Variants in COL23A1 observed in about 807,000 individuals in gnomAD.
COL23A1 encodes collagen type XXIII alpha 1 chain.
COL23A1 carries 97 observed loss-of-function variants against 99.3 expected under a neutral mutation model. The observed-to-expected ratio is 0.98, with a 90% CI of 0.83 to 1.16. The LOEUF (loss-of-function observed/expected upper bound fraction) is 1.16, where lower values mean the gene tolerates loss of function less well. COL23A1 is among the 50% of genes most tolerant of loss of function. The pLI, the probability that COL23A1 is intolerant of heterozygous loss-of-function variation, is 0.00. For missense variants in COL23A1, 762 were observed against 757.4 expected (o/e 1.01, Z -0.07); for synonymous variants, 320 against 308.2 (o/e 1.04, Z -0.40).
At chr5:178,545,481 G>A (rs904293458) in intron 2 of COL23A1, among the ~76,000 whole-genome samples, 1 of 152,210 alleles carries the variant, frequency 6.6e-6, no homozygotes, top group Non-Finnish European at 1.5e-5. Flanking sequence ...AACAGTGGGT[G>A]CCAGGGGCGG....
At chr5:178,329,532 G>A (rs2973686) in intron 2 of COL23A1, among the ~76,000 whole-genome samples, 147,455 of 152,240 alleles carry the variant, frequency 0.97, 71,425 homozygotes, top group East Asian at 1. Flanking sequence ...TAGGGCCAAG[G>A]GAAGTCCAAA....
At chr5:178,495,309 TGGGTTACAGAGGTTAA>T (rs1342409690) in intron 2 of COL23A1, among the ~76,000 whole-genome samples, 1 of 152,148 alleles carries the variant, frequency 6.6e-6, no homozygotes, top group East Asian at 1.9e-4. Context: ...AGGATGAATT[TGGGTTACAGAGGTTAA>T]TATTCTGCTC....
chr5:178,383,383 A>G (rs1763487088), intron 2 of COL23A1, among the ~76,000 whole-genome samples: 1 of 152,208 alleles, frequency 6.6e-6, no homozygotes. Context: ...TCAGGAAACC[A>G]GGACAAGTCC....
intron 18 of COL23A1, among the ~76,000 whole-genome samples, chr5:178,249,716 ACTCTCTCTCTCT>A (rs59946818): frequency 0.025 from 2,290 of 92,814 alleles, 36 homozygotes; most frequent in Non-Finnish European, 0.037. Flanking sequence ...ACACACACAC[ACTCTCTCTCTCT>A]CTCTCTCTCT....
At chr5:178,289,005 C>A (rs1194990469) in intron 4 of COL23A1, among the ~76,000 whole-genome samples, 1 of 151,952 alleles carries the variant, frequency 6.6e-6, no homozygotes, top group Non-Finnish European at 1.5e-5. Flanking sequence ...CTCTATAGCC[C>A]CCGGCGTTAG....
In COL23A1 at chr5:178,384,242, C is replaced by T. The variant is rs1305139313; in HGVS notation, c.362-77323G>A. ...ACGCTGCTGCGAGCTGAGCTGCGAT[C>T]GCAAATGCACGCAGCTCCCCGCCCA... On this transcript the variant is annotated intron_variant, in intron 2 of 28. Coordinates refer to ENST00000390654, the MANE Select transcript of COL23A1 (RefSeq NM_173465.4). The surrounding 1 kb of genome is among the most constrained non-coding windows in gnomAD (Gnocchi z 5.5). Among the ~76,000 whole-genome samples the T allele has an allele frequency of 3.9e-5, 6 of 152,196 alleles. No individual in the cohort carries two copies. Among genetic ancestry groups the T allele is most frequent in the Non-Finnish European group, 7.3e-5 (5 of 68,034 alleles).
intron 2 of COL23A1, among the ~76,000 whole-genome samples, chr5:178,536,193 G>C (rs539225): frequency 6.6e-6 from 1 of 152,176 alleles, no homozygotes; most frequent in Non-Finnish European, 1.5e-5. Flanking sequence ...CGTCACCCTC[G>C]GCTGGGGACG....
chr5:178,307,814 C>G lies in COL23A1; in HGVS notation c.362-895G>C, dbSNP rs1758444723. On this transcript the variant is annotated intron_variant, in intron 2 of 28. Transcript: ENST00000390654. The surrounding 1 kb of genome is among the most constrained non-coding windows in gnomAD (Gnocchi z 4.2). Reference sequence around the variant, plus strand: ...AATGGCATTTGATACGTCTTGCTCACCCACTGTATGCCAGGATCTGGGCTG... The same window carrying G: ...AATGGCATTTGATACGTCTTGCTCAGCCACTGTATGCCAGGATCTGGGCTG... 3.3e-5 allele frequency among the ~76,000 whole-genome samples: 5 copies of G among 152,344 alleles called. 1 individual carries two copies. The South Asian group carries it at 1.0e-3, about 32-fold the overall frequency.
At chr5:178,558,892 A>C (rs565001268) in intron 2 of COL23A1, among the ~76,000 whole-genome samples, 23 of 151,870 alleles carry the variant, frequency 1.5e-4, no homozygotes, top group African/African-American at 5.6e-4. Flanking sequence ...AGGATGAAGC[A>C]ATTCTCCCAC....
At chr5:178,368,909 GGGCT>G (rs1449233199) in intron 2 of COL23A1, among the ~76,000 whole-genome samples, 1 of 152,250 alleles carries the variant, frequency 6.6e-6, no homozygotes, top group East Asian at 1.9e-4. Context: ...TGCACCCCGA[GGGCT>G]GCTCCTCATG....
At position 178,358,363 on chromosome 5, in the gene COL23A1, TGTGTAC is replaced by T. The variant is rs771038927; in HGVS notation, c.362-51450_362-51445del. On this transcript the variant is annotated intron_variant, in intron 2 of 28. Transcript: ENST00000390654. ...AATGTGTGTATTGTGTGTATGTGTATGTGTACGTGTGTATGTCTAATGTGTGTATGT... is the reference window on the plus strand; with the variant it reads ...AATGTGTGTATTGTGTGTATGTGTATGTGTGTATGTCTAATGTGTGTATGT... 1.7e-4 allele frequency among the ~76,000 whole-genome samples: 25 copies of T among 151,442 alleles called. 1 individual carries two copies. The highest frequency in any genetic ancestry group is 1.0e-3 in the South Asian group (5 of 4,774).
intron 1 of COL23A1, among the ~76,000 whole-genome samples, chr5:178,585,727 A>AGCCCTGGATGGCGCTGGGGTAATGCC (rs1562115542): frequency 5.5e-4 from 6 of 10,824 alleles, no homozygotes; most frequent in Admixed American, 2.4e-3. Flanking sequence ...CTGGGGTAAC[A>AGCCCTGGATGGCGCTGGGGTAATGCC]CTCCACAGCC....
At position 178,404,139 on chromosome 5, in the gene COL23A1, C is replaced by T. The variant is rs115842346; in HGVS notation, c.362-97220G>A. Among the ~76,000 whole-genome samples the T allele has an allele frequency of 8.1e-3, 1,232 of 152,320 alleles. 17 individuals carry two copies. The highest frequency in any genetic ancestry group is 0.028 in the African/African-American group (1,162 of 41,574). ...TCAGAACCGGAAGACGGCAGCCATT[C>T]GCGGAGCGCCTACTGTGTGCAGGCA... On this transcript the variant is annotated intron_variant, in intron 2 of 28. Transcript: ENST00000390654.
intron 4 of COL23A1, among the ~76,000 whole-genome samples, chr5:178,289,561 A>G (rs1757337840): frequency 6.6e-6 from 1 of 152,198 alleles, no homozygotes; most frequent in Admixed American, 6.5e-5. Context: ...TGTCTGATCC[A>G]CATTCTGGCA....
intron 25 of COL23A1, among the ~76,000 whole-genome samples, chr5:178,243,366 A>C (rs1764510815): frequency 6.6e-6 from 1 of 151,572 alleles, no homozygotes; most frequent in South Asian, 2.1e-4. Context: ...GTGCACCTGT[A>C]GTCCCAGCTA....
chr5:178,517,568 GT>G (rs70997606), intron 2 of COL23A1, among the ~76,000 whole-genome samples: 1 of 108,242 alleles, frequency 9.2e-6, no homozygotes. Flanking sequence ...TTTTTTTTTT[GT>G]TTTTTTTTTT....
rs560763517 is a variant in COL23A1 at position 178,285,472 on chromosome 5, A to C, written c.441+2852T>G. Among the ~76,000 whole-genome samples, 4 of 152,356 alleles carry C rather than the reference A, an allele frequency of 2.6e-5. No homozygotes were observed. The East Asian group carries it at 7.7e-4, about 29-fold the overall frequency. On this transcript the variant is annotated intron_variant, in intron 5 of 28. Transcript: ENST00000390654. Reference sequence around the variant, plus strand: ...CATTCTCAAAGGTGTTTTTCTTTCCAAATATTGCAAATTTATACTGAGTAG... The same window carrying C: ...CATTCTCAAAGGTGTTTTTCTTTCCCAATATTGCAAATTTATACTGAGTAG...
At chr5:178,449,481 C>T (rs1767362788) in intron 2 of COL23A1, among the ~76,000 whole-genome samples, 3 of 152,170 alleles carry the variant, frequency 2.0e-5, no homozygotes, top group Admixed American at 2.0e-4. Flanking sequence ...ACAGCAACGA[C>T]GCTGTCCTTC....
chr5:178,326,824 A>C (rs1230490798), intron 2 of COL23A1, among the ~76,000 whole-genome samples: 1 of 152,174 alleles, frequency 6.6e-6, no homozygotes, highest in Non-Finnish European at 1.5e-5. Context: ...GGTTCAAGCA[A>C]TTCTCCTGCC....
Sources: gnomAD v4.1 joint callset for allele counts (sites outside exome capture counted in the v4.1 genomes callset) on GRCh38, gnomAD v4.1.1 for gene constraint, Gnocchi (gnomAD v3.1) non-coding constraint, MANE v1.5 for transcripts, NCBI Gene and HGNC (gene_info 2026-07-23, HGNC 2026-07-21) for gene names.